The following CERT1 variants were observed in gnomAD, a reference collection of about 807,000 sequenced individuals.
CERT1 encodes ceramide transfer protein.
Under a neutral mutation model 87.9 loss-of-function variants are expected in CERT1, and 31 were observed. The ratio of observed to expected loss-of-function variants is 0.35; its 90% confidence interval spans 0.27 to 0.48. CERT1 has a LOEUF of 0.48. Ranked by LOEUF, CERT1 falls within the 20% of genes least tolerant of loss-of-function variation. The pLI, the probability that CERT1 is intolerant of heterozygous loss-of-function variation, is 0.99. For synonymous variants in CERT1, 289 were observed against 250.9 expected (o/e 1.15, Z -1.44); for missense variants, 487 against 758.0 (o/e 0.64, Z 4.20).
chr5:75,384,327 A>G (rs758648482), intron 14 of CERT1, among the ~76,000 whole-genome samples: 1 of 152,184 alleles, frequency 6.6e-6, no homozygotes, highest in Non-Finnish European at 1.5e-5. Flanking sequence ...TGAGCTCAGG[A>G]GTTTGAGACT....
intron 1 of CERT1, among the ~76,000 whole-genome samples, chr5:75,510,840 C>G (rs1767928767): frequency 6.6e-6 from 1 of 152,182 alleles, no homozygotes; most frequent in African/African-American, 2.4e-5. Flanking sequence ...AGCTGCCGCC[C>G]TAAGTCCCAA....
intron 11 of CERT1, among the ~76,000 whole-genome samples, chr5:75,390,024 T>C (rs1206021935): frequency 1.3e-5 from 2 of 152,112 alleles, no homozygotes; most frequent in Non-Finnish European, 2.9e-5. Context: ...TGTTAAAGTA[T>C]AAAATAATGG....
intron 2 of CERT1, among the ~76,000 whole-genome samples, chr5:75,486,297 C>T (rs553910891): frequency 6.6e-6 from 1 of 152,074 alleles, no homozygotes; most frequent in South Asian, 2.1e-4. Context: ...AATTCAACAT[C>T]CTCTCATGAT....
In CERT1 at chr5:75,402,953, T is replaced by C. The variant is rs1339021399; in HGVS notation, c.1017+19A>G. ...TGTTAAAATAAATTTCAGCTTAGAA[T>C]TTTCAATAATAGATATACCTGTTCT... On this transcript the variant is annotated intron_variant, in intron 9 of 16. Coordinates refer to ENST00000643780, the MANE Select transcript of CERT1 (RefSeq NM_001379029.1). 1.3e-6 allele frequency: 2 copies of C among 1,501,862 alleles called. No individual in the cohort carries two copies. The highest frequency in any genetic ancestry group is 3.4e-4 in the Middle Eastern group (2 of 5,838). 93.0% of individuals were successfully genotyped at this position (1,501,862 alleles called of 1,614,324 possible).
At chr5:75,477,565 C>T (rs112834199) in intron 2 of CERT1, among the ~76,000 whole-genome samples, 16 of 149,924 alleles carry the variant, frequency 1.1e-4, no homozygotes, top group African/African-American at 3.9e-4. Context: ...ATTGCTTACC[C>T]TCATGTCCCG....
rs1220560137 is a variant in CERT1 at position 75,511,255 on chromosome 5, C to T, written c.-48G>A. 1 of 1,602,550 alleles carries T rather than the reference C, an allele frequency of 6.2e-7. No homozygotes were observed. The highest frequency in any genetic ancestry group is 8.5e-7 in the Non-Finnish European group (1 of 1,174,662). Reference sequence around the variant, plus strand: ...AGACCGGCCCCCGCTCCCTCAGCTGCGCCGGAGGAGGCGCCCAGTCCTCGG... The same window carrying T: ...AGACCGGCCCCCGCTCCCTCAGCTGTGCCGGAGGAGGCGCCCAGTCCTCGG... On this transcript the variant is annotated 5_prime_UTR_variant, in exon 1 of 17. Transcript: ENST00000643780.
At chr5:75,463,821 T>C (rs1425416452) in intron 2 of CERT1, among the ~76,000 whole-genome samples, 1 of 152,100 alleles carries the variant, frequency 6.6e-6, no homozygotes, top group Non-Finnish European at 1.5e-5. Context: ...GGAAGAAATA[T>C]AACCATGTGT....
chr5:75,500,462 C>T (rs191468881), intron 2 of CERT1, among the ~76,000 whole-genome samples: 6 of 152,220 alleles, frequency 3.9e-5, no homozygotes, highest in Non-Finnish European at 1.5e-5. Context: ...TTCTACTTCA[C>T]GCTATTTGAG....
At chr5:75,426,907 A>G (rs2112189842) in intron 3 of CERT1, among the ~76,000 whole-genome samples, 1 of 152,360 alleles carries the variant, frequency 6.6e-6, no homozygotes, top group South Asian at 2.1e-4. Context: ...ACAGAACTGT[A>G]CACTTAACAG....
rs141919541 is a variant in CERT1, at chr5:75,445,788, C to T, written c.348+13277G>A. 1.1e-4 allele frequency among the ~76,000 whole-genome samples: 16 copies of T among 152,300 alleles called. No individual in the cohort carries two copies. In the South Asian group the frequency reaches 2.9e-3, roughly 28 times the overall value. Reference sequence around the variant, plus strand: ...AGATTACAGGTGCAATGCCACCATGCCTGGCTCCACAAATATAGGCATCTT... The same window carrying T: ...AGATTACAGGTGCAATGCCACCATGTCTGGCTCCACAAATATAGGCATCTT... On this transcript the variant is annotated intron_variant, in intron 3 of 16. Coordinates refer to ENST00000643780, the MANE Select transcript of CERT1 (RefSeq NM_001379029.1).
chr5:75,504,239 G>C (rs967547894), intron 2 of CERT1, among the ~76,000 whole-genome samples: 1 of 151,684 alleles, frequency 6.6e-6, no homozygotes, highest in African/African-American at 2.4e-5. Flanking sequence ...GATCTATCTC[G>C]GAAGAAAAAC....
chr5:75,443,190 AT>A (rs1764395016), intron 3 of CERT1, among the ~76,000 whole-genome samples: 1 of 151,834 alleles, frequency 6.6e-6, no homozygotes, highest in Non-Finnish European at 1.5e-5. Flanking sequence ...GATTTTCTCT[AT>A]TGTTTTTCTA....
At chr5:75,402,802 A>C in intron 9 of CERT1, 170 bp downstream of exon 9, 1 of 403,674 alleles carries the variant, frequency 2.5e-6, no homozygotes, top group Non-Finnish European at 4.6e-6. Context: ...TCTGTCTCAA[A>C]AAAAAAAAAA....
intron 2 of CERT1, among the ~76,000 whole-genome samples, chr5:75,469,129 AAATC>A (rs747419812): frequency 2.7e-4 from 41 of 152,146 alleles, no homozygotes; most frequent in South Asian, 2.1e-3. Flanking sequence ...AATTAAAAGA[AAATC>A]AAACAGAAAT....
At chr5:75,421,447 T>G (rs189202137) in intron 5 of CERT1, among the ~76,000 whole-genome samples, 2 of 152,364 alleles carry the variant, frequency 1.3e-5, no homozygotes, top group East Asian at 3.9e-4. Flanking sequence ...ATTAATACCC[T>G]GTATTCATTT....
intron 3 of CERT1, among the ~76,000 whole-genome samples, chr5:75,452,055 C>G (rs769591032): frequency 7.9e-5 from 12 of 152,250 alleles, no homozygotes; most frequent in Non-Finnish European, 1.8e-4. Context: ...ATAATTTCCT[C>G]AAACAGAAAT....
intron 2 of CERT1, among the ~76,000 whole-genome samples, chr5:75,462,556 T>TG (rs1052716983): frequency 2.0e-5 from 3 of 152,066 alleles, no homozygotes; most frequent in African/African-American, 7.2e-5. Context: ...TACTGGTCTG[T>TG]GGCCCAGGGT....
chr5:75,407,511 C>A (rs1762754119), intron 8 of CERT1, among the ~76,000 whole-genome samples: 1 of 142,552 alleles, frequency 7.0e-6, no homozygotes, highest in South Asian at 2.2e-4. Flanking sequence ...TCTTCTAAAT[C>A]AATAGGGAAA....
intron 2 of CERT1, among the ~76,000 whole-genome samples, chr5:75,487,380 A>C (rs1766572046): frequency 6.6e-6 from 1 of 152,214 alleles, no homozygotes; most frequent in Middle Eastern, 3.4e-3. Flanking sequence ...GAAATTACTA[A>C]AAGAAAACAC....
Sources: allele counts gnomAD v4.1 joint callset (sites outside exome capture counted in the v4.1 genomes callset), GRCh38; gene constraint gnomAD v4.1.1; transcripts MANE v1.5; gene names NCBI Gene and HGNC (gene_info 2026-07-23, HGNC 2026-07-21).